The following ZNF136 variants were observed in gnomAD, a reference collection of about 807,000 sequenced individuals.
ZNF136 encodes the protein zinc finger protein 136, also known as zinc finger protein 136 (clone pHZ-20).
In ZNF136, 8 loss-of-function variants were observed where a neutral mutation model predicts 11.4. The observed-to-expected ratio is 0.70, with a 90% CI of 0.41 to 1.27. The LOEUF (loss-of-function observed/expected upper bound fraction) is 1.27, where lower values mean the gene tolerates loss of function less well. Among genes scored for constraint, ZNF136 ranks in the 50% most tolerant of loss-of-function variants. The pLI, the probability that ZNF136 is intolerant of heterozygous loss-of-function variation, is 0.01. For missense variants in ZNF136, 590 were observed against 656.5 expected, an observed-to-expected ratio of 0.90 and a Z score of 1.11; for synonymous variants, 190 against 207.1, an observed-to-expected ratio of 0.92 and a Z score of 0.71.
Position 12,186,839 on chromosome 19 carries a change from C to T in ZNF136, c.461C>T (p.Ser154Phe). The T allele has an allele frequency of 6.2e-7, 1 of 1,614,098 alleles. No individual in the cohort carries two copies. Among genetic ancestry groups the T allele is most frequent in the Non-Finnish European group, 8.5e-7 (1 of 1,180,014 alleles). The change falls in exon 4 of 4, where the codon TCC becomes TTC. Residue 154 changes from serine to phenylalanine, a missense_variant. Ser to Phe is a radical substitution (Grantham distance 155). Coordinates refer to ENST00000343979, the MANE Select transcript of ZNF136 (RefSeq NM_003437.5). Reference sequence around the variant, plus strand: ...TGGAAACCCTTCAGTTCTCACCACTCCTTTCGAACACATGAGATAATTCAC... The same window carrying T: ...TGGAAACCCTTCAGTTCTCACCACTTCTTTCGAACACATGAGATAATTCAC... Reference protein sequence around the residue: ...QCWKPFSSHHSFRTHEIIHTG... With the variant: ...QCWKPFSSHHFFRTHEIIHTG...
chr19:12,172,871 G>T (rs182073426), intron 1 of ZNF136, among the ~76,000 whole-genome samples: 6 of 152,098 alleles, frequency 3.9e-5, no homozygotes, highest in Admixed American at 2.0e-4. Context: ...AATGAGCTGG[G>T]TGTGATGGTG....
Position 12,188,112 on chromosome 19 carries a change from AAG to A in ZNF136, c.*113_*114del. The A allele has an allele frequency of 1.1e-6, 1 of 920,180 alleles. No homozygotes were observed. Among genetic ancestry groups the A allele is most frequent in the South Asian group, 2.9e-5 (1 of 34,996 alleles). The allele number at this position is 920,180 out of a possible 1,614,324, so 57.0% of individuals were successfully genotyped here. A position where few individuals can be genotyped will look rare whatever the true frequency, so the allele number is the denominator to read the frequency against. On this transcript the variant is annotated 3_prime_UTR_variant, in exon 4 of 4. Coordinates refer to ENST00000343979, the MANE Select transcript of ZNF136 (RefSeq NM_003437.5). ...TGTCAGTGCCTTTTTTAATACATGA[AAG>A]AATTCTAGAGAGAAGCCATATACAT... is the stretch of plus-strand genomic sequence containing the variant.
At chr19:12,170,456 C>T (rs894310489) in intron 1 of ZNF136, among the ~76,000 whole-genome samples, 6 of 151,414 alleles carry the variant, frequency 4.0e-5, no homozygotes, top group African/African-American at 1.2e-4. Context: ...GGTGCAATCA[C>T]AGCTCACTGC....
intron 1 of ZNF136, among the ~76,000 whole-genome samples, chr19:12,168,538 C>T (rs1017100992): frequency 6.6e-6 from 1 of 152,080 alleles, no homozygotes; most frequent in Non-Finnish European, 1.5e-5. Flanking sequence ...GTCCTATACT[C>T]CCTTCCCTGG....
chr19:12,187,737 T>C lies in ZNF136; in HGVS notation c.1359T>C (p.Cys453=), dbSNP rs1915153271. ...TGEKPYECKQ[C]GKAFSYLNSF... ...AGAAACCCTATGAGTGTAAGCAATG[T>C]GGGAAAGCCTTCAGTTATCTCAACT... Residue 453 remains cysteine, a synonymous_variant, in exon 4 of 4, where the codon TGT becomes TGC. Coordinates refer to ENST00000343979, the MANE Select transcript of ZNF136 (RefSeq NM_003437.5). 3 of 1,613,590 alleles carry C rather than the reference T, an allele frequency of 1.9e-6. No homozygotes were observed. Among genetic ancestry groups the C allele is most frequent in the Non-Finnish European group, 1.7e-6 (2 of 1,179,870 alleles).
intron 1 of ZNF136, among the ~76,000 whole-genome samples, chr19:12,168,132 G>T (rs1166756866): frequency 7.2e-6 from 1 of 138,496 alleles, no homozygotes; most frequent in Non-Finnish European, 1.5e-5. Flanking sequence ...GAGTGCAGTG[G>T]CGCGATCCCG....
chr19:12,182,035 G>C (rs765965412), intron 1 of ZNF136, among the ~76,000 whole-genome samples: 3 of 151,882 alleles, frequency 2.0e-5, no homozygotes, highest in Non-Finnish European at 2.9e-5. Context: ...GCCTCCCAAA[G>C]TGCTGGAATT....
intron 1 of ZNF136, among the ~76,000 whole-genome samples, chr19:12,173,280 T>G (rs1914706241): frequency 6.6e-6 from 1 of 152,178 alleles, no homozygotes; most frequent in Non-Finnish European, 1.5e-5. Flanking sequence ...CCACTCAATC[T>G]ATTAGTATTA....
At chr19:12,183,837 A>G (rs1454721401) in intron 1 of ZNF136, among the ~76,000 whole-genome samples, 1 of 152,208 alleles carries the variant, frequency 6.6e-6, no homozygotes, top group African/African-American at 2.4e-5. Context: ...CCTGGGCTCA[A>G]ACAATCCTTC....
In ZNF136 at chr19:12,187,679, C is replaced by A. The variant is rs1207191219; in HGVS notation, c.1301C>A (p.Ser434Ter). Residue 434 changes from serine (S) to a stop codon, truncating the protein, a stop_gained, in exon 4 of 4, where the codon TCA (serine) becomes TAA (stop). Transcript: ENST00000343979. LOFTEE classifies it low-confidence loss of function (END_TRUNC). ...HCGKAFVSSTSIRIHERTHTG... is the reference protein window; with the variant it reads ...HCGKAFVSST ...GGTAAAGCTTTCGTTTCTTCAACAT[C>A]AATTCGAATACATGAAAGAACTCAT... The A allele has an allele frequency of 6.2e-7, 1 of 1,613,942 alleles. No homozygotes were observed. The highest frequency in any genetic ancestry group is 8.5e-7 in the Non-Finnish European group (1 of 1,180,016).
intron 1 of ZNF136, among the ~76,000 whole-genome samples, chr19:12,179,418 C>T (rs1408223666): frequency 6.6e-6 from 1 of 151,396 alleles, no homozygotes; most frequent in Admixed American, 6.6e-5. Flanking sequence ...TCAAGCTATT[C>T]TCCTGCCTCA....
Position 12,167,974 on chromosome 19 carries a change from C to G in ZNF136, c.3+4768C>G, listed in dbSNP as rs573073339. 1.1e-4 allele frequency among the ~76,000 whole-genome samples: 17 copies of G among 150,890 alleles called. No individual in the cohort carries two copies. The East Asian group carries it at 3.1e-3, about 28-fold the overall frequency. Reference sequence around the variant, plus strand: ...CAGACGCAGACTCATGCAAAGATACCTTTTCCATTACTTCACGGCCTTTTT... The same window carrying G: ...CAGACGCAGACTCATGCAAAGATACGTTTTCCATTACTTCACGGCCTTTTT... On this transcript the variant is annotated intron_variant, in intron 1 of 3. Transcript: ENST00000343979.
Position 12,186,671 on chromosome 19 carries a change from G to C in ZNF136, c.293G>C (p.Gly98Ala). The C allele has an allele frequency of 6.2e-7, 1 of 1,614,146 alleles. No individual in the cohort carries two copies. Residue 98 changes from glycine (G) to alanine (A), a missense_variant, in exon 4 of 4, where the codon GGA becomes GCA. Physicochemically the swap from Gly to Ala is moderately conservative, Grantham distance 60. Transcript: ENST00000343979. The part of the protein sequence containing the change: ...ANQNLSKKIP[G>A]VKLCESIVYG... The stretch of plus-strand genomic sequence containing the variant: ...CAGAATCTGAGCAAGAAAATCCCTG[G>C]AGTGAAACTCTGTGAAAGCATTGTA...
intron 1 of ZNF136, chr19:12,184,772 C>T (rs1489113105): frequency 6.6e-6 from 1 of 152,016 alleles, no homozygotes; most frequent in Non-Finnish European, 1.5e-5. Context: ...ATGTGTTGCG[C>T]GTGTAACAAA....
At chr19:12,185,666 A>G (rs184142071) in intron 1 of ZNF136, 119 bp from the exon 2 acceptor site, 3 of 1,341,146 alleles carry the variant, frequency 2.2e-6, no homozygotes, top group African/African-American at 1.5e-5. Flanking sequence ...ATGATGACCA[A>G]ACAGTGGAGT....
At position 12,187,100 on chromosome 19, in the gene ZNF136, G is replaced by C; in HGVS notation, c.722G>C (p.Arg241Thr). The change falls in exon 4 of 4, where the codon AGA (arginine) becomes ACA (threonine). Residue 241 changes from arginine (R) to threonine (T), a missense_variant. Transcript: ENST00000343979. The part of the protein sequence containing the change: ...KAFTCITSVR[R>T]HMIKHTGDGP... ...TTCACTTGTATCACAAGTGTTCGAA[G>C]ACACATGATAAAGCACACTGGAGAT... The C allele has an allele frequency of 2.5e-6, 4 of 1,614,000 alleles. No homozygotes were observed. The highest frequency in any genetic ancestry group is 3.4e-6 in the Non-Finnish European group (4 of 1,179,974).
At chr19:12,182,880 TG>T (rs1164758222) in intron 1 of ZNF136, among the ~76,000 whole-genome samples, 1 of 152,184 alleles carries the variant, frequency 6.6e-6, no homozygotes, top group Non-Finnish European at 1.5e-5. Flanking sequence ...GATTTCTCTG[TG>T]TTCCAGGTTA....
chr19:12,177,918 G>C (rs1032843604), intron 1 of ZNF136, among the ~76,000 whole-genome samples: 1 of 152,088 alleles, frequency 6.6e-6, no homozygotes, highest in African/African-American at 2.4e-5. Context: ...GACCAGCCTA[G>C]GCAACATGGC....
intron 1 of ZNF136, among the ~76,000 whole-genome samples, chr19:12,172,579 A>C (rs1048246374): frequency 6.6e-6 from 1 of 151,982 alleles, no homozygotes; most frequent in African/African-American, 2.4e-5. Context: ...AAACACTACC[A>C]CTCTGTTCCT....
Sources: allele counts gnomAD v4.1 joint callset (sites outside exome capture counted in the v4.1 genomes callset), GRCh38; gene constraint gnomAD v4.1.1; transcripts MANE v1.5; gene names NCBI Gene and HGNC (gene_info 2026-07-23, HGNC 2026-07-21).